The following CTNNA2 variants were observed in gnomAD, a reference collection of about 807,000 sequenced individuals.
CTNNA2 encodes the protein catenin alpha 2.
CTNNA2 carries 42 observed loss-of-function variants against 101.0 expected under a neutral mutation model. The ratio of observed to expected loss-of-function variants is 0.42; its 90% confidence interval spans 0.32 to 0.54. CTNNA2 has a LOEUF of 0.54. Among genes scored for constraint, CTNNA2 ranks in the 20% least tolerant of loss-of-function variants. The probability of loss-of-function intolerance (pLI) is 0.14; values close to 1 mark genes in which losing one functional copy is unlikely to be tolerated. For missense variants in CTNNA2, 871 were observed against 1,223.1 expected (o/e 0.71, Z 4.29); for synonymous variants, 450 against 456.4 (o/e 0.99, Z 0.18).
rs574763505 is a variant in CTNNA2 at position 80,290,051 on chromosome 2, T to G, written c.1057-103160T>G. On this transcript the variant is annotated intron_variant, in intron 7 of 18. Transcript: ENST00000402739. ...TAAATCTTTGCATAGGACCTCACAGTTTTTGAAGTTCTGTCACTCACATGA... is the reference window on the plus strand; with the variant it reads ...TAAATCTTTGCATAGGACCTCACAGGTTTTGAAGTTCTGTCACTCACATGA... 2.1e-3 allele frequency among the ~76,000 whole-genome samples: 327 copies of G among 152,190 alleles called. 3 individuals are homozygous for G. The highest frequency in any genetic ancestry group is 7.2e-3 in the African/African-American group (301 of 41,536).
At chr2:79,706,380 A>T (rs1685378852) in intron 2 of CTNNA2, among the ~76,000 whole-genome samples, 1 of 151,756 alleles carries the variant, frequency 6.6e-6, no homozygotes, top group Non-Finnish European at 1.5e-5. Context: ...AAAAAAAAAA[A>T]AAAAAAAATT....
At position 79,790,749 on chromosome 2, in the gene CTNNA2, T is replaced by G. The variant is rs138402899; in HGVS notation, c.298+46167T>G. The stretch of plus-strand genomic sequence containing the variant: ...TCTTCAACTTCCAGTTTTGAGTAAG[T>G]GTCCCCTGATCCAATCATAGTTATT... On this transcript the variant is annotated intron_variant, in intron 3 of 18. Transcript: ENST00000402739. 1.1e-3 allele frequency among the ~76,000 whole-genome samples: 164 copies of G among 152,304 alleles called. 1 individual carries two copies. The Middle Eastern group carries it at 0.017, about 16-fold the overall frequency.
intron 6 of CTNNA2, among the ~76,000 whole-genome samples, chr2:79,879,742 T>C (rs1363317744): frequency 1.3e-5 from 2 of 152,172 alleles, no homozygotes; most frequent in Non-Finnish European, 2.9e-5. Context: ...GTTTTCTTGA[T>C]ATACAATCAT....
At chr2:79,739,118 C>T (rs1174994040) in intron 2 of CTNNA2, among the ~76,000 whole-genome samples, 1 of 145,462 alleles carries the variant, frequency 6.9e-6, no homozygotes, top group East Asian at 2.1e-4. Flanking sequence ...TACTGCTTTA[C>T]AAATGGATAG....
At chr2:79,684,812 A>T (rs1199453270) in intron 2 of CTNNA2, among the ~76,000 whole-genome samples, 1 of 152,108 alleles carries the variant, frequency 6.6e-6, no homozygotes, top group Non-Finnish European at 1.5e-5. Context: ...TCTGTAGGAG[A>T]GATTGAAGAT....
chr2:80,331,021 GTT>G (rs34091714), intron 7 of CTNNA2, among the ~76,000 whole-genome samples: 48,171 of 139,524 alleles, frequency 0.35, 8,492 homozygotes, highest in African/African-American at 0.49. Context: ...TAAACTGTAT[GTT>G]TTTTTTTTTT....
chr2:80,572,807 CCAATTATAGTAATT>C (rs370008314), intron 12 of CTNNA2: 1,803 of 152,200 alleles, frequency 0.012, 41 homozygotes, highest in African/African-American at 0.04. Flanking sequence ...ATATAGAGAA[CCAATTATAGTAATT>C]CATCCATAGA....
Position 80,530,472 on chromosome 2 carries a change from A to T in CTNNA2, c.1291-14510A>T, listed in dbSNP as rs112756659. ...TGTGTATGTGTTTTGCAGGACACAGACAGGAAGAAACTAATAGTTGCAGGT... is the reference window on the plus strand; with the variant it reads ...TGTGTATGTGTTTTGCAGGACACAGTCAGGAAGAAACTAATAGTTGCAGGT... On this transcript the variant is annotated intron_variant, in intron 9 of 18. Transcript: ENST00000402739. 1.2e-4 allele frequency among the ~76,000 whole-genome samples: 18 copies of T among 152,300 alleles called. 2 individuals carry two copies. Among genetic ancestry groups the T allele is most frequent in the African/African-American group, 4.3e-4 (18 of 41,566 alleles).
chr2:80,599,314 A>G (rs1697257808), intron 15 of CTNNA2, among the ~76,000 whole-genome samples: 1 of 152,208 alleles, frequency 6.6e-6, no homozygotes, highest in African/African-American at 2.4e-5. Context: ...TAAAATTGCT[A>G]TAGGCACTCG....
intron 18 of CTNNA2, among the ~76,000 whole-genome samples, chr2:80,622,329 C>G (rs1462490721): frequency 6.6e-6 from 1 of 151,872 alleles, no homozygotes; most frequent in Non-Finnish European, 1.5e-5. Context: ...GAGGAAGACT[C>G]TAGCTTGGAG....
intron 7 of CTNNA2, among the ~76,000 whole-genome samples, chr2:80,369,247 A>T (rs1351399295): frequency 6.6e-6 from 1 of 152,082 alleles, no homozygotes; most frequent in Non-Finnish European, 1.5e-5. Context: ...GCCACAAAGG[A>T]TATATTTCTC....
At chr2:80,492,872 A>T (rs1054369477) in intron 9 of CTNNA2, among the ~76,000 whole-genome samples, 2 of 151,862 alleles carry the variant, frequency 1.3e-5, no homozygotes, top group East Asian at 3.9e-4. Flanking sequence ...GTTATCCTTC[A>T]TACCACTCCC....
intron 7 of CTNNA2, among the ~76,000 whole-genome samples, chr2:80,386,267 G>C (rs764705699): frequency 6.6e-6 from 1 of 152,138 alleles, no homozygotes; most frequent in Non-Finnish European, 1.5e-5. Context: ...AGGTTGTGAT[G>C]TGGTCAGAGT....
chr2:79,541,874 C>T (rs2103994380), intron 1 of CTNNA2, among the ~76,000 whole-genome samples: 1 of 151,774 alleles, frequency 6.6e-6, no homozygotes, highest in Admixed American at 6.5e-5. Context: ...ATTCACCCAC[C>T]TTAGCCTCCC....
At chr2:80,535,085 CT>C (rs1261468266) in intron 9 of CTNNA2, among the ~76,000 whole-genome samples, 3 of 152,124 alleles carry the variant, frequency 2.0e-5, no homozygotes, top group Non-Finnish European at 4.4e-5. Flanking sequence ...AGAATTGTAA[CT>C]TTATACAAAA....
At chr2:80,094,609 T>G (rs1353434574) in intron 7 of CTNNA2, among the ~76,000 whole-genome samples, 1 of 152,196 alleles carries the variant, frequency 6.6e-6, no homozygotes, top group African/African-American at 2.4e-5. Flanking sequence ...TATGGCCATT[T>G]TCACGATATT....
intron 2 of CTNNA2, among the ~76,000 whole-genome samples, chr2:79,726,620 C>T (rs4852514): frequency 0.96 from 146,443 of 152,280 alleles, 70,460 homozygotes; most frequent in East Asian, 1. Flanking sequence ...AAAATTGTTG[C>T]CCATGAAACT....
intron 12 of CTNNA2, among the ~76,000 whole-genome samples, chr2:80,570,920 T>C (rs1446546897): frequency 6.6e-6 from 1 of 152,106 alleles, no homozygotes; most frequent in Admixed American, 6.6e-5. Flanking sequence ...CATTACTAGA[T>C]GTATTCTGAG....
chr2:80,205,417 A>G (rs1416016869), intron 7 of CTNNA2, among the ~76,000 whole-genome samples: 1 of 152,376 alleles, frequency 6.6e-6, no homozygotes, highest in Non-Finnish European at 1.5e-5. Flanking sequence ...CATGATAAAG[A>G]GCACAATAAT....
Sources: allele counts gnomAD v4.1 joint callset (sites outside exome capture counted in the v4.1 genomes callset), GRCh38; gene constraint gnomAD v4.1.1; transcripts MANE v1.5; gene names NCBI Gene and HGNC (gene_info 2026-07-23, HGNC 2026-07-21).